The following PPP1R9A variants were observed in gnomAD, a reference collection of about 807,000 sequenced individuals.
PPP1R9A encodes the protein protein phosphatase 1 regulatory subunit 9A.
In PPP1R9A, 59 loss-of-function variants were observed where a neutral mutation model predicts 141.9. The observed-to-expected ratio is 0.42, with a 90% CI of 0.34 to 0.52. The LOEUF (loss-of-function observed/expected upper bound fraction) is 0.52, where lower values mean the gene tolerates loss of function less well. Ranked by LOEUF, PPP1R9A falls within the 20% of genes least tolerant of loss-of-function variation. The pLI, the probability that PPP1R9A is intolerant of heterozygous loss-of-function variation, is 0.10. For synonymous variants in PPP1R9A, 500 were observed against 569.7 expected (o/e 0.88, Z 1.74); for missense variants, 1,444 against 1,611.9 (o/e 0.90, Z 1.78).
intron 2 of PPP1R9A, among the ~76,000 whole-genome samples, chr7:95,042,757 A>G (rs781625857): frequency 1.3e-5 from 2 of 152,186 alleles, no homozygotes; most frequent in Non-Finnish European, 2.9e-5. Flanking sequence ...AAGGTGAAAG[A>G]TATCATCAAG....
At chr7:95,271,261 A>G (rs563606625) in intron 14 of PPP1R9A, among the ~76,000 whole-genome samples, 1 of 152,332 alleles carries the variant, frequency 6.6e-6, no homozygotes, top group African/African-American at 2.4e-5. Context: ...GGAAACCACA[A>G]GAAGTTTGAC....
chr7:95,151,941 C>CTTTTTTT (rs1167382285), intron 4 of PPP1R9A, among the ~76,000 whole-genome samples: 1,014 of 54,500 alleles, frequency 0.019, 216 homozygotes, highest in East Asian at 0.048. Flanking sequence ...TACTGAGAAT[C>CTTTTTTT]TTTTTTTTTT....
chr7:95,086,118 C>T (rs1563216897), intron 2 of PPP1R9A, among the ~76,000 whole-genome samples: 2 of 151,586 alleles, frequency 1.3e-5, no homozygotes, highest in African/African-American at 4.9e-5. Context: ...TGTAGGAAAC[C>T]TGCAAAGATA....
intron 2 of PPP1R9A, among the ~76,000 whole-genome samples, chr7:95,075,792 G>A (rs547053784): frequency 2.8e-4 from 43 of 152,058 alleles, no homozygotes; most frequent in Non-Finnish European, 5.4e-4. Flanking sequence ...AGCCGAGATC[G>A]CGCCACTGCA....
In PPP1R9A at chr7:95,292,159, G is replaced by A. The variant is rs912119358; in HGVS notation, c.*1856G>A. On this transcript the variant is annotated 3_prime_UTR_variant, in exon 20 of 20. Coordinates refer to ENST00000433360, the MANE Select transcript of PPP1R9A (RefSeq NM_001166160.2). ...TGTTTTTCTGTCTGTCTTCATTAGGGGTATGATAATGAAACTGCCGTATTG... is the reference window on the plus strand; with the variant it reads ...TGTTTTTCTGTCTGTCTTCATTAGGAGTATGATAATGAAACTGCCGTATTG... The A allele has an allele frequency of 6.6e-6, 1 of 152,000 alleles. No individual in the cohort carries two copies. The highest frequency in any genetic ancestry group is 2.4e-5 in the African/African-American group (1 of 41,374). The allele number at this position is 152,000 out of a possible 1,614,324, so 9.4% of individuals were successfully genotyped here. A position where few individuals can be genotyped will look rare whatever the true frequency, so the allele number is the denominator to read the frequency against.
intron 4 of PPP1R9A, among the ~76,000 whole-genome samples, chr7:95,136,562 T>G (rs1252910461): frequency 6.6e-6 from 1 of 152,224 alleles, no homozygotes; most frequent in Non-Finnish European, 1.5e-5. Flanking sequence ...GAAAATAACA[T>G]TTTAAATGAT....
rs370021215 is a variant in PPP1R9A, at chr7:95,031,573, T to C, written c.1396-79686T>C. Among the ~76,000 whole-genome samples the C allele has an allele frequency of 3.9e-5, 6 of 152,014 alleles. No individual in the cohort carries two copies. The East Asian group carries it at 9.7e-4, about 25-fold the overall frequency. ...GAGTTCAAGACCAGCCTGACCAACA[T>C]GGTGAAATGCCGTTTCTACTAAAAA... On this transcript the variant is annotated intron_variant, in intron 2 of 19. Coordinates refer to ENST00000433360, the MANE Select transcript of PPP1R9A (RefSeq NM_001166160.2).
intron 2 of PPP1R9A, among the ~76,000 whole-genome samples, chr7:95,010,441 A>C (rs1311479679): frequency 6.6e-6 from 1 of 152,160 alleles, no homozygotes; most frequent in Non-Finnish European, 1.5e-5. Context: ...AGCTTCCTTT[A>C]AATGCAGTCT....
chr7:95,207,130 A>C (rs922690193), intron 7 of PPP1R9A, among the ~76,000 whole-genome samples: 1 of 152,144 alleles, frequency 6.6e-6, no homozygotes, highest in Non-Finnish European at 1.5e-5. Context: ...AAGTTTCGAG[A>C]AATATGAGTT....
intron 2 of PPP1R9A, among the ~76,000 whole-genome samples, chr7:94,963,610 C>G (rs115282904): frequency 6.6e-6 from 1 of 152,202 alleles, no homozygotes; most frequent in African/African-American, 2.4e-5. Flanking sequence ...GTAGTGTATA[C>G]CAATATTTAG....
intron 2 of PPP1R9A, among the ~76,000 whole-genome samples, chr7:94,963,604 T>C (rs896672074): frequency 6.6e-6 from 1 of 152,234 alleles, no homozygotes; most frequent in African/African-American, 2.4e-5. Context: ...CATGTTGTAG[T>C]GTATACCAAT....
intron 2 of PPP1R9A, among the ~76,000 whole-genome samples, chr7:95,110,418 A>G (rs1820351720): frequency 6.6e-6 from 1 of 152,134 alleles, no homozygotes; most frequent in African/African-American, 2.4e-5. Context: ...TAATTATTGA[A>G]TTTTATTGAA....
chr7:95,160,223 A>G (rs1375359759), intron 4 of PPP1R9A, among the ~76,000 whole-genome samples: 1 of 152,140 alleles, frequency 6.6e-6, no homozygotes, highest in Non-Finnish European at 1.5e-5. Flanking sequence ...CACATGAATG[A>G]GCATTACATA....
At chr7:95,072,836 AATTAT>A (rs1814140658) in intron 2 of PPP1R9A, among the ~76,000 whole-genome samples, 1 of 55,036 alleles carries the variant, frequency 1.8e-5, no homozygotes, top group Non-Finnish European at 2.9e-5. Context: ...TATATATAAT[AATTAT>A]TATATATAAT....
intron 4 of PPP1R9A, among the ~76,000 whole-genome samples, chr7:95,136,132 G>T (rs1420872319): frequency 2.0e-5 from 3 of 151,956 alleles, no homozygotes; most frequent in Admixed American, 2.0e-4. Context: ...TTGAGTACTT[G>T]TTAATTCCAT....
At chr7:94,984,042 G>C (rs982571119) in intron 2 of PPP1R9A, among the ~76,000 whole-genome samples, 4 of 152,094 alleles carry the variant, frequency 2.6e-5, no homozygotes, top group Admixed American at 6.6e-5. Context: ...TAGCATGAAG[G>C]CCTGTTGAAT....
intron 2 of PPP1R9A, among the ~76,000 whole-genome samples, chr7:94,985,300 T>C (rs1800672184): frequency 6.6e-6 from 1 of 152,198 alleles, no homozygotes; most frequent in African/African-American, 2.4e-5. Flanking sequence ...GTATATTTTG[T>C]TGATTTGGGG....
intron 4 of PPP1R9A, among the ~76,000 whole-genome samples, chr7:95,122,327 A>G (rs1822782558): frequency 6.6e-6 from 1 of 152,052 alleles, no homozygotes; most frequent in South Asian, 2.1e-4. Context: ...TTGTATTTTT[A>G]GTAGAGACGG....
At chr7:95,137,067 A>G (rs1425999419) in intron 4 of PPP1R9A, among the ~76,000 whole-genome samples, 1 of 152,142 alleles carries the variant, frequency 6.6e-6, no homozygotes, top group African/African-American at 2.4e-5. Flanking sequence ...TTCATAAAAG[A>G]TGCAAGTCTT....
Sources: gnomAD v4.1 joint callset for allele counts (sites outside exome capture counted in the v4.1 genomes callset) on GRCh38, gnomAD v4.1.1 for gene constraint, MANE v1.5 for transcripts, NCBI Gene and HGNC (gene_info 2026-07-23, HGNC 2026-07-21) for gene names.